The following MAGI1 variants were observed in gnomAD, a reference collection of about 807,000 sequenced individuals.
MAGI1 encodes membrane-associated guanylate kinase, WW and PDZ domain-containing protein 1.
Under a neutral mutation model 139.9 loss-of-function variants are expected in MAGI1, and 58 were observed. The observed-to-expected ratio is 0.41, with a 90% CI of 0.34 to 0.52. The LOEUF (loss-of-function observed/expected upper bound fraction) is 0.52, where lower values mean the gene tolerates loss of function less well. Ranked by LOEUF, MAGI1 falls within the 20% of genes least tolerant of loss-of-function variation. The pLI is 0.12. For missense variants in MAGI1, 1,874 were observed against 1,901.6 expected, an observed-to-expected ratio of 0.99 and a Z score of 0.27; for synonymous variants, 812 against 737.9, an observed-to-expected ratio of 1.10 and a Z score of -1.63.
chr3:65,873,178 T>C (rs2059997092), intron 1 of MAGI1: 1 of 152,228 alleles, frequency 6.6e-6, no homozygotes, highest in Admixed American at 6.5e-5. Flanking sequence ...GTGGGTAAAG[T>C]GCTGATTTGT....
chr3:65,521,066 C>G (rs757957363), intron 2 of MAGI1, among the ~76,000 whole-genome samples: 2 of 152,040 alleles, frequency 1.3e-5, no homozygotes, highest in Non-Finnish European at 2.9e-5. Context: ...TAGTGCAAAC[C>G]CCATTATATA....
intron 2 of MAGI1, among the ~76,000 whole-genome samples, chr3:65,584,397 A>G (rs554658794): frequency 1.3e-5 from 2 of 152,272 alleles, no homozygotes; most frequent in South Asian, 4.2e-4. Context: ...CATACCCACT[A>G]TCCTAAAAAC....
At position 65,965,309 on chromosome 3, in the gene MAGI1, C is replaced by T. The variant is rs151243759; in HGVS notation, c.313+72687G>A. On this transcript the variant is annotated intron_variant, in intron 1 of 22. Coordinates refer to ENST00000402939, the MANE Select transcript of MAGI1 (RefSeq NM_001033057.2). ...TATGGGTACCACTTCTACTATTCCA[C>T]GTTACCCTTTTTAAAACCACTTTAT... Among the ~76,000 whole-genome samples, 10 of 152,260 alleles carry T rather than the reference C, an allele frequency of 6.6e-5. No homozygotes were observed. The East Asian group carries it at 9.6e-4, about 15-fold the overall frequency.
intron 18 of MAGI1, among the ~76,000 whole-genome samples, chr3:65,370,534 A>G (rs7621265): frequency 0.18 from 26,902 of 152,188 alleles, 3,622 homozygotes; most frequent in East Asian, 0.44. Context: ...TATTTCCTAC[A>G]TATTTAAATT....
rs1387700942 is a variant in MAGI1 at position 65,743,130 on chromosome 3, T to A, written c.314-121042A>T. On this transcript the variant is annotated intron_variant, in intron 1 of 22. Transcript: ENST00000402939. ...GCATACAAAGATGATTCATACCACA[T>A]CATCTCATTATCACTCTTGAGATCA... 2.6e-5 allele frequency among the ~76,000 whole-genome samples: 4 copies of A among 152,172 alleles called. No homozygotes were observed. The East Asian group carries it at 7.7e-4, about 29-fold the overall frequency.
chr3:65,438,980 T>C (rs1050708684), intron 9 of MAGI1, among the ~76,000 whole-genome samples: 1 of 152,234 alleles, frequency 6.6e-6, no homozygotes, highest in Admixed American at 6.5e-5. Flanking sequence ...TGGTTTACAT[T>C]TGTTATATTC....
At chr3:65,387,144 C>T (rs574583271) in intron 14 of MAGI1, 24 of 1,613,394 alleles carry the variant, frequency 1.5e-5, no homozygotes, top group Middle Eastern at 3.3e-4. Context: ...GATCCTTACT[C>T]GGACATTCTC....
chr3:65,983,156 G>A (rs768211347), intron 1 of MAGI1, among the ~76,000 whole-genome samples: 1 of 152,090 alleles, frequency 6.6e-6, no homozygotes, highest in Non-Finnish European at 1.5e-5. Flanking sequence ...TTAATGCAAG[G>A]GGTTTCTCAG....
intron 1 of MAGI1, among the ~76,000 whole-genome samples, chr3:65,934,768 GT>G (rs56950206): frequency 1.3e-3 from 180 of 142,054 alleles, no homozygotes; most frequent in East Asian, 2.4e-3. Flanking sequence ...AAAAGTTGTT[GT>G]TTTTTTTTTT....
At chr3:65,430,568 T>G in intron 11 of MAGI1, 131 bp downstream of exon 11, 2 of 924,326 alleles carry the variant, frequency 2.2e-6, no homozygotes, top group South Asian at 1.7e-5. Context: ...TCAAGGTGTT[T>G]AAAGCTGTAA....
At position 65,371,314 on chromosome 3, in the gene MAGI1, T is replaced by C. The variant is rs184686175; in HGVS notation, c.3196+4431A>G. Among the ~76,000 whole-genome samples the C allele has an allele frequency of 7.2e-5, 11 of 152,356 alleles. No individual in the cohort carries two copies. The East Asian group carries it at 2.1e-3, about 29-fold the overall frequency. On this transcript the variant is annotated intron_variant, in intron 18 of 22. Coordinates refer to ENST00000402939, the MANE Select transcript of MAGI1 (RefSeq NM_001033057.2). The stretch of plus-strand genomic sequence containing the variant: ...CAGTAAAGTGAGTCATGCAAATTCT[T>C]TGGCTTCCCAGTGCATATAAAATTC...
intron 5 of MAGI1, among the ~76,000 whole-genome samples, chr3:65,467,288 T>A (rs1028205837): frequency 6.6e-6 from 1 of 152,242 alleles, no homozygotes; most frequent in African/African-American, 2.4e-5. Context: ...GTGTATATAT[T>A]TGCATGTGAG....
intron 2 of MAGI1, among the ~76,000 whole-genome samples, chr3:65,596,901 A>T (rs2082231653): frequency 6.6e-6 from 1 of 152,202 alleles, no homozygotes; most frequent in Non-Finnish European, 1.5e-5. Flanking sequence ...AATTTCCAGG[A>T]AGCAAACTTA....
intron 1 of MAGI1, among the ~76,000 whole-genome samples, chr3:65,748,140 G>T (rs1278297056): frequency 6.6e-6 from 1 of 152,146 alleles, no homozygotes; most frequent in Non-Finnish European, 1.5e-5. Context: ...CATGGGCCAG[G>T]GTGCTCCTTA....
intron 1 of MAGI1, among the ~76,000 whole-genome samples, chr3:65,668,562 C>CTTTTTTT (rs58434479): frequency 1.3e-4 from 10 of 79,884 alleles, no homozygotes; most frequent in East Asian, 6.0e-4. Flanking sequence ...CCTTTTTTTT[C>CTTTTTTT]TTTTTTTTTT....
In MAGI1 at chr3:65,439,904, C is replaced by CTGT. The variant is rs1553644245; in HGVS notation, c.1244_1245insACA (p.Gln421dup). 1.9e-6 allele frequency: 3 copies of CTGT among 1,609,874 alleles called. No homozygotes were observed. The highest frequency in any genetic ancestry group is 1.7e-5 in the Admixed American group (1 of 59,900). ...CTTCTGTCTGCTGCTGCTGCTGCTG[C>CTGT]TGCTGCTGCTGTTGCTGCTGCTGTT... On this transcript the variant is annotated inframe_insertion, in exon 9 of 23. Transcript: ENST00000402939.
intron 1 of MAGI1, among the ~76,000 whole-genome samples, chr3:65,712,313 A>G (rs1186811474): frequency 6.6e-6 from 1 of 152,014 alleles, no homozygotes; most frequent in Non-Finnish European, 1.5e-5. Flanking sequence ...CAGGGAGGCC[A>G]TGTGTAGGTT....
intron 1 of MAGI1, among the ~76,000 whole-genome samples, chr3:65,927,039 T>C (rs1386962875): frequency 3.3e-5 from 5 of 152,088 alleles, no homozygotes; most frequent in Non-Finnish European, 5.9e-5. Flanking sequence ...GTTGCAGGAA[T>C]TGCCCACCCC....
intron 12 of MAGI1, among the ~76,000 whole-genome samples, chr3:65,424,589 C>T (rs1164560878): frequency 6.6e-6 from 1 of 152,170 alleles, no homozygotes; most frequent in Non-Finnish European, 1.5e-5. Flanking sequence ...AGATGGCACT[C>T]TAAATGAGCA....
Sources: gnomAD v4.1 joint callset for allele counts (sites outside exome capture counted in the v4.1 genomes callset) on GRCh38, gnomAD v4.1.1 for gene constraint, MANE v1.5 for transcripts, NCBI Gene and HGNC (gene_info 2026-07-23, HGNC 2026-07-21) for gene names.